The following TMCO4 variants were observed in gnomAD, a reference collection of about 807,000 sequenced individuals.
TMCO4 encodes transmembrane and coiled-coil domain-containing protein 4.
In TMCO4, 58 loss-of-function variants were observed where a neutral mutation model predicts 64.7. The observed-to-expected ratio is 0.90, with a 90% CI of 0.73 to 1.12. The LOEUF (loss-of-function observed/expected upper bound fraction) is 1.12. Among genes scored for constraint, TMCO4 ranks in the 50% most tolerant of loss-of-function variants. The pLI is 0.00. For missense variants in TMCO4, 780 were observed against 825.9 expected (o/e 0.94, Z 0.68); for synonymous variants, 325 against 346.1 (o/e 0.94, Z 0.68).
At chr1:19,753,972 C>T (rs1020443837) in intron 7 of TMCO4, among the ~76,000 whole-genome samples, 7 of 152,210 alleles carry the variant, frequency 4.6e-5, no homozygotes, top group African/African-American at 1.7e-4. Flanking sequence ...ACTAGTTACT[C>T]TGTCCCAGGC....
At chr1:19,768,769 A>G (rs546841680) in intron 6 of TMCO4, among the ~76,000 whole-genome samples, 1 of 152,266 alleles carries the variant, frequency 6.6e-6, no homozygotes, top group South Asian at 2.1e-4. Flanking sequence ...CTAAGTAGAA[A>G]GCACTCAGGA....
Position 19,748,355 on chromosome 1 carries a change from C to T in TMCO4, c.516-1095G>A, listed in dbSNP as rs148815908. ...TTGGCTTGTAAGGATTAAATTCATT[C>T]GTTCTTCGTCCATTCAGTCAATAAA... On this transcript the variant is annotated intron_variant, in intron 7 of 15. Transcript: ENST00000294543. Among the ~76,000 whole-genome samples the T allele has an allele frequency of 5.3e-5, 8 of 152,272 alleles. No individual in the cohort carries two copies. In the East Asian group the frequency reaches 9.6e-4, roughly 18 times the overall value.
At chr1:19,755,613 G>A in intron 7 of TMCO4, 21 bp downstream of exon 7, 2 of 1,613,180 alleles carry the variant, frequency 1.2e-6, no homozygotes, top group Non-Finnish European at 1.7e-6. Flanking sequence ...GATCCTGATG[G>A]GGGTCGCGGG....
chr1:19,691,684 C>G (rs573748035), intron 15 of TMCO4, among the ~76,000 whole-genome samples: 3 of 152,248 alleles, frequency 2.0e-5, no homozygotes, highest in East Asian at 3.9e-4. Context: ...TTTAGATGCC[C>G]AGAAAGGAGT....
chr1:19,731,488 C>T (rs551237097), intron 13 of TMCO4, among the ~76,000 whole-genome samples: 5 of 152,208 alleles, frequency 3.3e-5, no homozygotes, highest in East Asian at 3.9e-4. Context: ...TGACTGGGTG[C>T]GTGGTGGGTT....
At chr1:19,791,148 C>T (rs1357700666) in intron 2 of TMCO4, among the ~76,000 whole-genome samples, 1 of 151,998 alleles carries the variant, frequency 6.6e-6, no homozygotes, top group African/African-American at 2.4e-5. Flanking sequence ...CACACTGGGG[C>T]CTGTCAGCGG....
chr1:19,725,583 T>G (rs2095405184), intron 13 of TMCO4, among the ~76,000 whole-genome samples: 1 of 152,208 alleles, frequency 6.6e-6, no homozygotes, highest in Non-Finnish European at 1.5e-5. Context: ...ACCACCTCCC[T>G]GCCCTTGGCA....
At chr1:19,769,098 C>T (rs2042871830) in intron 6 of TMCO4, among the ~76,000 whole-genome samples, 1 of 152,088 alleles carries the variant, frequency 6.6e-6, no homozygotes, top group South Asian at 2.1e-4. Context: ...GCCTCAGCAC[C>T]CTCCTCTTTT....
rs1218187003 is a variant in TMCO4 at position 19,694,433 on chromosome 1, C to T, written c.1500+1G>A. 3 of 1,613,408 alleles carry T rather than the reference C, an allele frequency of 1.9e-6. No individual in the cohort carries two copies. The highest frequency in any genetic ancestry group is 2.5e-6 in the Non-Finnish European group (3 of 1,179,424). ...CCCAGGAGGAACAGGCCGACACTCA[C>T]CACAGAGGTCAGGTCCACGTTCTCC... On this transcript the variant is annotated splice_donor_variant, in intron 15 of 15. Transcript: ENST00000294543. LOFTEE classifies it high-confidence loss of function.
At chr1:19,688,033 A>G (rs2095163413) in intron 15 of TMCO4, among the ~76,000 whole-genome samples, 1 of 152,154 alleles carries the variant, frequency 6.6e-6, no homozygotes, top group Non-Finnish European at 1.5e-5. Context: ...GTTCTGGTGT[A>G]GCCGATACTG....
intron 13 of TMCO4, among the ~76,000 whole-genome samples, chr1:19,713,305 A>G (rs1321040886): frequency 6.6e-6 from 1 of 152,216 alleles, no homozygotes; most frequent in Admixed American, 6.5e-5. Flanking sequence ...AAACACTGCA[A>G]CATACTGATG....
chr1:19,732,034 C>T lies in TMCO4; in HGVS notation c.1264+5338G>A, dbSNP rs571508816. 4.6e-5 allele frequency among the ~76,000 whole-genome samples: 7 copies of T among 152,280 alleles called. No homozygotes were observed. In the South Asian group the frequency reaches 8.3e-4, roughly 18 times the overall value. ...CTGCTGTGAAGGCCGGCATGGACAG[C>T]GGGGGTTTTAAACTGAGCGGGGCCT... On this transcript the variant is annotated intron_variant, in intron 13 of 15. Transcript: ENST00000294543. The surrounding 1 kb of genome is among the most constrained non-coding windows in gnomAD (Gnocchi z 4.8).
intron 3 of TMCO4, among the ~76,000 whole-genome samples, chr1:19,782,494 C>T (rs1346721904): frequency 6.6e-6 from 1 of 152,000 alleles, no homozygotes; most frequent in Non-Finnish European, 1.5e-5. Context: ...TTAAAAATTC[C>T]CTGAACTGTA....
At chr1:19,798,666 C>A (rs952450864) in intron 1 of TMCO4, among the ~76,000 whole-genome samples, 6 of 152,358 alleles carry the variant, frequency 3.9e-5, no homozygotes, top group African/African-American at 1.4e-4. Context: ...TAATACCGAT[C>A]TCTTCTGCTG....
At chr1:19,779,351 C>A (rs561100590) in intron 4 of TMCO4, among the ~76,000 whole-genome samples, 204 of 152,318 alleles carry the variant, frequency 1.3e-3, no homozygotes, top group African/African-American at 4.8e-3. Flanking sequence ...AAAAGTCTGT[C>A]CCATCTGTGT....
chr1:19,775,688 G>T (rs1026016312), intron 4 of TMCO4, among the ~76,000 whole-genome samples: 1 of 152,168 alleles, frequency 6.6e-6, no homozygotes, highest in African/African-American at 2.4e-5. Context: ...GGCAGAAGAC[G>T]TCTGTCCATC....
chr1:19,744,999 G>T (rs562494908), intron 10 of TMCO4, among the ~76,000 whole-genome samples: 7 of 151,980 alleles, frequency 4.6e-5, no homozygotes, highest in Non-Finnish European at 1.0e-4. Flanking sequence ...TGGATGGGTG[G>T]ATGGATGAAC....
chr1:19,777,347 CT>C (rs35543721), intron 4 of TMCO4, among the ~76,000 whole-genome samples: 37,641 of 129,112 alleles, frequency 0.29, 4,626 homozygotes, highest in African/African-American at 0.34. Context: ...ACCCAAAGGC[CT>C]TTTTTTTTTT....
chr1:19,698,326 A>G (rs2095250105), intron 14 of TMCO4, among the ~76,000 whole-genome samples: 2 of 152,054 alleles, frequency 1.3e-5, no homozygotes, highest in Non-Finnish European at 2.9e-5. Flanking sequence ...TGGCCCTCTC[A>G]CGGTGGGGTG....
Sources: gnomAD v4.1 joint callset for allele counts (sites outside exome capture counted in the v4.1 genomes callset) on GRCh38, gnomAD v4.1.1 for gene constraint, Gnocchi (gnomAD v3.1) non-coding constraint, MANE v1.5 for transcripts, NCBI Gene and HGNC (gene_info 2026-07-23, HGNC 2026-07-21) for gene names.